The following DMD variants were observed in gnomAD, a reference collection of about 807,000 sequenced individuals.
DMD encodes mutant dystrophin.
A neutral mutation model predicts 330.1 loss-of-function variants in DMD; 63 were observed. The observed-to-expected ratio is 0.19, with a 90% CI of 0.16 to 0.24. DMD has a LOEUF of 0.24. Among genes scored for constraint, DMD ranks in the 10% least tolerant of loss-of-function variants. The pLI is 1.00. For synonymous variants in DMD, 1,223 were observed against 959.8 expected, an observed-to-expected ratio of 1.27 and a Z score of -5.07; for missense variants, 3,344 against 2,684.1, an observed-to-expected ratio of 1.25 and a Z score of -5.43.
chrX:33,062,229 G>T (rs2094589650), intron 1 of DMD, among the ~76,000 whole-genome samples: 1 of 111,785 alleles, frequency 8.9e-6, no homozygotes, highest in Admixed American at 9.6e-5. Context: ...CAGGAACTCT[G>T]AATTTGGGAG....
intron 63 of DMD, among the ~76,000 whole-genome samples, chrX:31,231,799 C>T (rs2047234054): frequency 8.9e-6 from 1 of 111,982 alleles, no homozygotes; most frequent in Admixed American, 9.4e-5. Flanking sequence ...AGGAGAATCG[C>T]TTGAACCTGG....
At chrX:32,054,617 G>A (rs1324807769) in intron 44 of DMD, among the ~76,000 whole-genome samples, 2 of 108,475 alleles carry the variant, frequency 1.8e-5, no homozygotes, top group Non-Finnish European at 3.8e-5. Flanking sequence ...GTTTGCCAAA[G>A]CTAGAATTAG....
intron 2 of DMD, among the ~76,000 whole-genome samples, chrX:33,015,515 G>A (rs901576689): frequency 9.0e-6 from 1 of 110,677 alleles, no homozygotes. Context: ...CTTATCGGAA[G>A]GTGGAGGGTG....
At chrX:31,910,571 A>C (rs1344394647) in intron 47 of DMD, among the ~76,000 whole-genome samples, 3 of 112,048 alleles carry the variant, frequency 2.7e-5, no homozygotes, top group Non-Finnish European at 5.6e-5. Flanking sequence ...GGTACAAACT[A>C]AATGCCTGAC....
intron 15 of DMD, among the ~76,000 whole-genome samples, chrX:32,566,898 T>C (rs934822397): frequency 2.7e-5 from 3 of 112,085 alleles, no homozygotes; most frequent in African/African-American, 9.7e-5. Context: ...AACAACCCCA[T>C]ATTTGGCAGC....
intron 47 of DMD, among the ~76,000 whole-genome samples, chrX:31,925,846 T>C (rs1293534901): frequency 5.3e-5 from 5 of 95,218 alleles, no homozygotes; most frequent in Non-Finnish European, 8.2e-5. Flanking sequence ...CACTCCAGCC[T>C]GGGCGACAGA....
intron 1 of DMD, among the ~76,000 whole-genome samples, chrX:33,135,143 A>G (rs971209619): frequency 9.0e-6 from 1 of 111,652 alleles, no homozygotes; most frequent in East Asian, 2.8e-4. Flanking sequence ...TTCTCAGTAC[A>G]CTAAGCTTGC....
At chrX:33,055,482 TTGCAAG>T (rs1410527294) in intron 1 of DMD, among the ~76,000 whole-genome samples, 1 of 112,170 alleles carries the variant, frequency 8.9e-6, no homozygotes, top group Non-Finnish European at 1.9e-5. Context: ...CAACACTGTA[TTGCAAG>T]TTAAAATAAA....
At chrX:33,271,789 AAC>A (rs2053161156) in intron 1 of DMD, among the ~76,000 whole-genome samples, 1 of 109,770 alleles carries the variant, frequency 9.1e-6, no homozygotes, top group African/African-American at 3.3e-5. Flanking sequence ...AAAAAAAAAA[AAC>A]CAAAAAAAAG....
chrX:31,393,295 G>A (rs898556343), intron 60 of DMD, among the ~76,000 whole-genome samples: 2 of 110,183 alleles, frequency 1.8e-5, no homozygotes, highest in East Asian at 2.9e-4. Flanking sequence ...GGCCAAATAT[G>A]GTGAAACCCG....
At chrX:32,848,412 C>G (rs1446032117) in intron 3 of DMD, among the ~76,000 whole-genome samples, 1 of 111,246 alleles carries the variant, frequency 9.0e-6, no homozygotes, top group African/African-American at 3.3e-5. Context: ...AAATTAAGAC[C>G]AAGTTTACAT....
Position 31,172,369 on chromosome X carries a change from C to T in DMD, c.10373G>A (p.Ser3458Asn). 1 of 1,195,748 alleles carries T rather than the reference C, an allele frequency of 8.4e-7. No homozygotes were observed. Among genetic ancestry groups the T allele is most frequent in the Non-Finnish European group, 1.1e-6 (1 of 881,495 alleles). ...ENSNGSYLND[S>N]ISPNESIDDE... ...TTACATGCTCTCATTAGGAGAGATG[C>T]TATCATTTAGATAAGATCCATTGCT... The change falls in exon 73 of 79, where the codon AGC (serine) becomes AAC (asparagine). Residue 3458 changes from serine to asparagine, a missense_variant. Coordinates refer to ENST00000357033, the MANE Select transcript of DMD (RefSeq NM_004006.3).
Position 31,209,459 on chromosome X carries a change from T to C in DMD, c.9563+39A>G, listed in dbSNP as rs1198775011. The C allele has an allele frequency of 3.4e-6, 4 of 1,177,066 alleles. No individual in the cohort carries two copies. The South Asian group carries it at 5.4e-5, about 16-fold the overall frequency. On this transcript the variant is annotated intron_variant, in intron 65 of 78. Coordinates refer to ENST00000357033, the MANE Select transcript of DMD (RefSeq NM_004006.3). ...TCACCATTCTGTACGCTAAGCCTCC[T>C]GTGACAGAGCCCGGGAAATAAAAAC...
At position 32,158,472 on chromosome X, in the gene DMD, G is replaced by A. The variant is rs770955305; in HGVS notation, c.6438+58444C>T. Reference sequence around the variant, plus strand: ...GCAGAGTTTAATTCATTGGACCTGCGGTGGTGCCTGAGAGTCTCCATTTCC... The same window carrying A: ...GCAGAGTTTAATTCATTGGACCTGCAGTGGTGCCTGAGAGTCTCCATTTCC... On this transcript the variant is annotated intron_variant, in intron 44 of 78. Coordinates refer to ENST00000357033, the MANE Select transcript of DMD (RefSeq NM_004006.3). Among the ~76,000 whole-genome samples the A allele has an allele frequency of 6.3e-5, 7 of 111,891 alleles. No homozygotes were observed. The South Asian group carries it at 1.1e-3, about 18-fold the overall frequency.
intron 51 of DMD, among the ~76,000 whole-genome samples, chrX:31,741,564 C>T (rs986076621): frequency 3.6e-5 from 4 of 111,043 alleles, no homozygotes; most frequent in Non-Finnish European, 7.5e-5. Flanking sequence ...TTGAAAGACA[C>T]ATTTTTTTGA....
intron 11 of DMD, among the ~76,000 whole-genome samples, chrX:32,628,848 T>C (rs1426171353): frequency 8.9e-6 from 1 of 112,087 alleles, no homozygotes; most frequent in Non-Finnish European, 1.9e-5. Context: ...CCTACTGATA[T>C]CTTGATATAT....
chrX:33,035,331 A>G (rs757848167), intron 1 of DMD, among the ~76,000 whole-genome samples: 19 of 111,795 alleles, frequency 1.7e-4, no homozygotes, highest in Non-Finnish European at 3.2e-4. Flanking sequence ...CACTGCAGCT[A>G]TGCCAGAGAA....
At chrX:32,252,809 T>C (rs1423628020) in intron 43 of DMD, among the ~76,000 whole-genome samples, 1 of 69,795 alleles carries the variant, frequency 1.4e-5, no homozygotes, top group African/African-American at 6.7e-5. Flanking sequence ...TATATAAATA[T>C]ATATAAGTAT....
At chrX:31,643,890 T>A (rs1314627501) in intron 54 of DMD, among the ~76,000 whole-genome samples, 1 of 112,097 alleles carries the variant, frequency 8.9e-6, no homozygotes, top group Non-Finnish European at 1.9e-5. Flanking sequence ...GTGCTCAATA[T>A]CTATTGCAGT....
Sources: gnomAD v4.1 joint callset for allele counts (sites outside exome capture counted in the v4.1 genomes callset) on GRCh38, gnomAD v4.1.1 for gene constraint, MANE v1.5 for transcripts, NCBI Gene and HGNC (gene_info 2026-07-23, HGNC 2026-07-21) for gene names.